The following FAM177A1 variants were observed in gnomAD, a reference collection of about 807,000 sequenced individuals.
FAM177A1 encodes the protein protein FAM177A1.
FAM177A1 carries 22 observed loss-of-function variants against 26.1 expected under a neutral mutation model. That is an observed-to-expected ratio of 0.84 (90% CI 0.60 to 1.20). The LOEUF is 1.20. Ranked by LOEUF, FAM177A1 falls within the 50% of genes most tolerant of loss-of-function variation. The probability of loss-of-function intolerance (pLI) is 0.00; values close to 1 mark genes in which losing one functional copy is unlikely to be tolerated. For synonymous variants in FAM177A1, 95 were observed against 99.3 expected (o/e 0.96, Z 0.26); for missense variants, 296 against 291.1 (o/e 1.02, Z -0.12).
intron 2 of FAM177A1, among the ~76,000 whole-genome samples, chr14:35,067,183 TC>T (rs1408357836): frequency 6.6e-6 from 1 of 152,160 alleles, no homozygotes; most frequent in Non-Finnish European, 1.5e-5. Context: ...GACCAACATC[TC>T]CCCATTTCCC....
At chr14:35,058,972 G>C (rs1348072769) in intron 2 of FAM177A1, among the ~76,000 whole-genome samples, 2 of 151,940 alleles carry the variant, frequency 1.3e-5, no homozygotes, top group Non-Finnish European at 2.9e-5. Flanking sequence ...GAGTCACTCT[G>C]TCGCCCAGGC....
At chr14:35,062,988 A>G (rs1229824149) in intron 2 of FAM177A1, among the ~76,000 whole-genome samples, 1 of 150,298 alleles carries the variant, frequency 6.7e-6, no homozygotes, top group Non-Finnish European at 1.5e-5. Flanking sequence ...TATCATTTAA[A>G]AAAAAAAAAA....
At chr14:35,046,797 G>C (rs1042183545) in intron 1 of FAM177A1, 169 bp downstream of exon 1, 1 of 1,380,494 alleles carries the variant, frequency 7.2e-7, no homozygotes, top group African/African-American at 1.5e-5. Flanking sequence ...CTTGTGGGAA[G>C]GAGCGCCCCC....
At chr14:35,052,689 C>T (rs1213642064) in intron 1 of FAM177A1, among the ~76,000 whole-genome samples, 1 of 151,940 alleles carries the variant, frequency 6.6e-6, no homozygotes, top group Non-Finnish European at 1.5e-5. Context: ...CTTTGGGAGG[C>T]TGAAGTGGGA....
At position 35,081,028 on chromosome 14, in the gene FAM177A1, G is replaced by T; in HGVS notation, c.511G>T (p.Glu171Ter). Reference sequence around the variant, plus strand: ...TATTGCTCCTTTTTTTTAGGAAGAAGAAGAAGAAGAAGAAAACAGGATGTC... The same window carrying T: ...TATTGCTCCTTTTTTTTAGGAAGAATAAGAAGAAGAAGAAAACAGGATGTC... The part of the protein sequence containing the change: ...EYYRMKKEEE[E>*]EEEENRMSEE... The change falls in exon 5 of 5, where the codon GAA becomes TAA. Residue 171 changes from glutamate (E) to a stop codon, truncating the protein, a stop_gained. Transcript: ENST00000280987. LOFTEE classifies it high-confidence loss of function. 14 of 1,602,380 alleles carry T rather than the reference G, an allele frequency of 8.7e-6. No individual in the cohort carries two copies. Among genetic ancestry groups the T allele is most frequent in the Non-Finnish European group, 1.2e-5 (14 of 1,175,818 alleles).
rs2045515999 is a variant in FAM177A1, at chr14:35,083,349, A to T, written c.*2121A>T. ...TGTGCCTTAAGTTTATACTTTGTTTATGCAAACTATAAAATTTCCCATAAA... is the reference window on the plus strand; with the variant it reads ...TGTGCCTTAAGTTTATACTTTGTTTTTGCAAACTATAAAATTTCCCATAAA... On this transcript the variant is annotated 3_prime_UTR_variant, in exon 5 of 5. Transcript: ENST00000280987. The T allele has an allele frequency of 6.5e-6, 1 of 152,684 alleles. No individual in the cohort carries two copies. The highest frequency in any genetic ancestry group is 6.5e-5 in the Admixed American group (1 of 15,294). The allele number at this position is 152,684 out of a possible 1,614,324, so 9.5% of individuals were successfully genotyped here. A position where few individuals can be genotyped will look rare whatever the true frequency, so the allele number is the denominator to read the frequency against.
chr14:35,064,707 G>GT (rs2045213754), intron 2 of FAM177A1, among the ~76,000 whole-genome samples: 1 of 151,862 alleles, frequency 6.6e-6, no homozygotes, highest in African/African-American at 2.4e-5. Context: ...CTGGAGTGCA[G>GT]TGGCGCCATC....
At chr14:35,061,512 CTCATT>C (rs1296245684) in intron 2 of FAM177A1, among the ~76,000 whole-genome samples, 6 of 102,614 alleles carry the variant, frequency 5.8e-5, no homozygotes, top group Non-Finnish European at 1.2e-4. Context: ...TTGTTTTTTT[CTCATT>C]TCTTTTTTTT....
At chr14:35,047,773 CAACAACAACAAA>C (rs1270530728) in intron 1 of FAM177A1, among the ~76,000 whole-genome samples, 6 of 136,900 alleles carry the variant, frequency 4.4e-5, no homozygotes, top group African/African-American at 1.6e-4. Context: ...ACAACAACAA[CAACAACAACAAA>C]AAAAAAACCC....
At position 35,056,101 on chromosome 14, in the gene FAM177A1, C is replaced by G. The variant is rs557471455; in HGVS notation, c.339+2650C>G. Among the ~76,000 whole-genome samples, 17 of 152,148 alleles carry G rather than the reference C, an allele frequency of 1.1e-4. No homozygotes were observed. In the South Asian group the frequency reaches 3.1e-3, roughly 28 times the overall value. ...CCAGACTGGAGTGCAGTGGCGTGAT[C>G]TTAGCTTACTGCAACCTCTGCCTCC... On this transcript the variant is annotated intron_variant, in intron 2 of 4. Coordinates refer to ENST00000280987, the MANE Select transcript of FAM177A1 (RefSeq NM_173607.5).
Position 35,062,754 on chromosome 14 carries a change from A to G in FAM177A1, c.339+9303A>G, listed in dbSNP as rs545297435. Among the ~76,000 whole-genome samples the G allele has an allele frequency of 1.1e-4, 16 of 151,222 alleles. No homozygotes were observed. In the South Asian group the frequency reaches 3.3e-3, roughly 32 times the overall value. On this transcript the variant is annotated intron_variant, in intron 2 of 4. Transcript: ENST00000280987. ...GGCTGCAGTGAGCCATGATCATGCC[A>G]CTGTACTCCAGCCCGGGCAACAAAG...
chr14:35,062,128 G>A (rs2045168904), intron 2 of FAM177A1, among the ~76,000 whole-genome samples: 1 of 152,162 alleles, frequency 6.6e-6, no homozygotes, highest in African/African-American at 2.4e-5. Flanking sequence ...AGAGGGAGTG[G>A]TCTTAGTTCA....
intron 4 of FAM177A1, among the ~76,000 whole-genome samples, chr14:35,079,891 A>G (rs756960532): frequency 9.9e-5 from 15 of 152,186 alleles, no homozygotes; most frequent in African/African-American, 3.6e-4. Context: ...CATAAGGTAC[A>G]ATGTGGGAGT....
intron 2 of FAM177A1, among the ~76,000 whole-genome samples, chr14:35,065,233 G>A (rs752647237): frequency 1.1e-4 from 17 of 151,470 alleles, no homozygotes; most frequent in South Asian, 2.1e-4. Context: ...GAGTGCGGTG[G>A]TGCGATCTTG....
Position 35,053,992 on chromosome 14 carries a change from C to G in FAM177A1, c.339+541C>G, listed in dbSNP as rs544734933. Among the ~76,000 whole-genome samples the G allele has an allele frequency of 3.4e-4, 52 of 151,390 alleles. 1 individual carries two copies. Among genetic ancestry groups the G allele is most frequent in the African/African-American group, 1.2e-3 (48 of 41,276 alleles). On this transcript the variant is annotated intron_variant, in intron 2 of 4. Coordinates refer to ENST00000280987, the MANE Select transcript of FAM177A1 (RefSeq NM_173607.5). ...TCGGGGACAGAGCGAGACTCTGTCTCAAAAAAAAGATTTATCTTACTAAAT... is the reference window on the plus strand; with the variant it reads ...TCGGGGACAGAGCGAGACTCTGTCTGAAAAAAAAGATTTATCTTACTAAAT...
intron 2 of FAM177A1, among the ~76,000 whole-genome samples, chr14:35,069,008 C>T (rs1468580353): frequency 6.6e-6 from 1 of 152,202 alleles, no homozygotes. Context: ...CAGCTCCCAA[C>T]ACTGTTATAT....
At chr14:35,061,187 C>T (rs1240013956) in intron 2 of FAM177A1, among the ~76,000 whole-genome samples, 2 of 152,162 alleles carry the variant, frequency 1.3e-5, no homozygotes, top group African/African-American at 4.8e-5. Context: ...TTGCTACAAT[C>T]TCCAGTGTTT....
chr14:35,066,368 C>G (rs556247713), intron 2 of FAM177A1, among the ~76,000 whole-genome samples: 3 of 149,994 alleles, frequency 2.0e-5, no homozygotes, highest in African/African-American at 7.4e-5. Flanking sequence ...GGCCTCAAAT[C>G]CATTTTTCTT....
intron 2 of FAM177A1, among the ~76,000 whole-genome samples, chr14:35,057,699 A>T (rs1218979591): frequency 2.0e-5 from 3 of 151,932 alleles, no homozygotes; most frequent in Admixed American, 1.3e-4. Context: ...ATTTTTATTT[A>T]AAGTATTTTC....
Sources: allele counts gnomAD v4.1 joint callset (sites outside exome capture counted in the v4.1 genomes callset), GRCh38; gene constraint gnomAD v4.1.1; transcripts MANE v1.5; gene names NCBI Gene and HGNC (gene_info 2026-07-23, HGNC 2026-07-21).